Variants in TRAPPC9 observed in about 807,000 individuals in gnomAD.
TRAPPC9 encodes IKK2 binding protein.
In TRAPPC9, 83 loss-of-function variants were observed where a neutral mutation model predicts 124.0. The ratio of observed to expected loss-of-function variants is 0.67; its 90% CI spans 0.56 to 0.80. TRAPPC9 has a LOEUF of 0.80. Among genes scored for constraint, TRAPPC9 ranks in the 30% least tolerant of loss-of-function variants. The pLI is 0.00. For missense variants in TRAPPC9, 1,302 were observed against 1,508.3 expected, an observed-to-expected ratio of 0.86 and a Z score of 2.27; for synonymous variants, 638 against 617.5, an observed-to-expected ratio of 1.03 and a Z score of -0.49.
intron 17 of TRAPPC9, among the ~76,000 whole-genome samples, chr8:140,211,087 T>C (rs1456159575): frequency 2.0e-5 from 3 of 152,062 alleles, no homozygotes; most frequent in African/African-American, 7.2e-5. Context: ...CATTTGCAAC[T>C]GTAATTATTA....
intron 17 of TRAPPC9, among the ~76,000 whole-genome samples, chr8:140,118,704 G>A (rs1288740442): frequency 6.6e-6 from 1 of 152,218 alleles, no homozygotes; most frequent in East Asian, 1.9e-4. Context: ...TGTGAACTGG[G>A]GGCTGAGACA....
intron 17 of TRAPPC9, among the ~76,000 whole-genome samples, chr8:140,153,752 A>T (rs965474888): frequency 6.6e-6 from 1 of 152,240 alleles, no homozygotes; most frequent in Admixed American, 6.5e-5. Flanking sequence ...TTCAATTGCT[A>T]AAAACCTTTC....
chr8:139,943,515 A>T (rs1834032802), intron 19 of TRAPPC9, among the ~76,000 whole-genome samples: 1 of 152,226 alleles, frequency 6.6e-6, no homozygotes. Flanking sequence ...AAGTTAACTG[A>T]CCTAAGAAGA....
rs558424046 is a variant in TRAPPC9, at chr8:140,277,947, G to A, written c.2115-2126C>T. On this transcript the variant is annotated intron_variant, in intron 14 of 22. Coordinates refer to ENST00000438773, the MANE Select transcript of TRAPPC9 (RefSeq NM_001160372.4). ...CTCATATGAGGTCTGTGTTGAGGGAGCCCCTGGGTCTCAGCAGCACAGGAA... is the reference window on the plus strand; with the variant it reads ...CTCATATGAGGTCTGTGTTGAGGGAACCCCTGGGTCTCAGCAGCACAGGAA... Among the ~76,000 whole-genome samples, 59 of 152,312 alleles carry A rather than the reference G, an allele frequency of 3.9e-4. 1 individual carries two copies. Among genetic ancestry groups the A allele is most frequent in the African/African-American group, 1.4e-3 (57 of 41,566 alleles).
At chr8:140,114,268 G>C (rs530705149) in intron 17 of TRAPPC9, among the ~76,000 whole-genome samples, 4 of 141,636 alleles carry the variant, frequency 2.8e-5, no homozygotes, top group African/African-American at 1.0e-4. Context: ...TATCCAGCGA[G>C]TCAGTCAACA....
chr8:140,450,945 C>A lies in TRAPPC9; in HGVS notation c.429G>T (p.Thr143=). 6.2e-7 allele frequency: 1 copy of A among 1,614,162 alleles called. No individual in the cohort carries two copies. The highest frequency in any genetic ancestry group is 1.3e-5 in the African/African-American group (1 of 75,042). The change falls in exon 2 of 23, where the codon ACG becomes ACT. Residue 143 remains threonine (T), a synonymous_variant. Coordinates refer to ENST00000438773, the MANE Select transcript of TRAPPC9 (RefSeq NM_001160372.4). ...TGAAGTCCTCGATTCTCTTCTCCAC[C>A]GTCTGGCAGTCCTCGTAGTTGGGGT... is the stretch of plus-strand genomic sequence containing the variant. ...AFYPNYEDCQ[T]VEKRIEDFIE... is the part of the protein sequence containing the mutation.
At chr8:139,895,061 C>G (rs529292660) in intron 20 of TRAPPC9, among the ~76,000 whole-genome samples, 1 of 152,204 alleles carries the variant, frequency 6.6e-6, no homozygotes, top group Non-Finnish European at 1.5e-5. Context: ...CTCAACCACA[C>G]GTCCCGGGCT....
At chr8:140,090,056 G>A (rs1844463342) in intron 17 of TRAPPC9, among the ~76,000 whole-genome samples, 1 of 152,050 alleles carries the variant, frequency 6.6e-6, no homozygotes, top group African/African-American at 2.4e-5. Flanking sequence ...CTCCAGCCTG[G>A]CGACAGAGCG....
Position 140,110,324 on chromosome 8 carries a change from G to A in TRAPPC9, c.2557-86245C>T, listed in dbSNP as rs1332196614. Among the ~76,000 whole-genome samples, 7 of 9,634 alleles carry A rather than the reference G, an allele frequency of 7.3e-4. 1 individual carries two copies. In the African/African-American group the frequency reaches 9.8e-3, roughly 14 times the overall value. The allele number at this position is 9,634 out of a possible 152,430, so 6.3% of individuals were successfully genotyped here. A position where few individuals can be genotyped will look rare whatever the true frequency, so the allele number is the denominator to read the frequency against. ...GCTCCCCCTACAGCAGCTCCCTCCT[G>A]CAGCAGCTCCCTCCTGCAGCAGCTC... On this transcript the variant is annotated intron_variant, in intron 17 of 22. Transcript: ENST00000438773.
chr8:139,782,331 G>T (rs1405482894), intron 21 of TRAPPC9, among the ~76,000 whole-genome samples: 1 of 152,222 alleles, frequency 6.6e-6, no homozygotes, highest in Non-Finnish European at 1.5e-5. Context: ...AGTGAGCAGA[G>T]ATCGTGCCAC....
At position 139,793,512 on chromosome 8, in the gene TRAPPC9, C is replaced by T. The variant is rs183887385; in HGVS notation, c.3056-61310G>A. Among the ~76,000 whole-genome samples, 1,454 of 152,288 alleles carry T rather than the reference C, an allele frequency of 9.5e-3. 8 individuals are homozygous for T. Among genetic ancestry groups the T allele is most frequent in the Middle Eastern group, 0.017 (5 of 294 alleles). On this transcript the variant is annotated intron_variant, in intron 21 of 22. Transcript: ENST00000438773. The stretch of plus-strand genomic sequence containing the variant: ...GCCCCTGGGAGCCCACTGTGCCTTG[C>T]GCTGACCTGGGGCCTGGACTGTTGC...
intron 18 of TRAPPC9, among the ~76,000 whole-genome samples, chr8:139,996,177 A>G (rs1481644113): frequency 7.1e-6 from 1 of 140,342 alleles, no homozygotes. Flanking sequence ...AAAAAAAAAA[A>G]AAAAAGAAAG....
chr8:139,855,772 C>G (rs1395073567), intron 21 of TRAPPC9, among the ~76,000 whole-genome samples: 3 of 152,248 alleles, frequency 2.0e-5, no homozygotes, highest in Admixed American at 6.5e-5. Context: ...CCCAGCACCT[C>G]AGGGCCGCCC....
chr8:140,304,216 T>C (rs1172723233), intron 10 of TRAPPC9, among the ~76,000 whole-genome samples: 1 of 151,918 alleles, frequency 6.6e-6, no homozygotes, highest in African/African-American at 2.4e-5. Flanking sequence ...TGCCTCAGCC[T>C]CCCAAGTAGC....
chr8:139,824,203 T>A lies in TRAPPC9; in HGVS notation c.3055+61676A>T, dbSNP rs569573036. On this transcript the variant is annotated intron_variant, in intron 21 of 22. Coordinates refer to ENST00000438773, the MANE Select transcript of TRAPPC9 (RefSeq NM_001160372.4). ...CACAAGGTTTTCTGGGTCTTGGAAC[T>A]AGCCCTGAGCGGTGTGTGTACAGAT... 2.4e-3 allele frequency among the ~76,000 whole-genome samples: 368 copies of A among 152,352 alleles called. 1 individual carries two copies. The highest frequency in any genetic ancestry group is 3.7e-3 in the Non-Finnish European group (255 of 68,032).
intron 21 of TRAPPC9, among the ~76,000 whole-genome samples, chr8:139,851,478 G>A (rs1208234699): frequency 6.6e-6 from 1 of 152,090 alleles, no homozygotes; most frequent in African/African-American, 2.4e-5. Flanking sequence ...ATCCCGGAAG[G>A]CATGGGACCG....
intron 5 of TRAPPC9, among the ~76,000 whole-genome samples, chr8:140,411,095 A>G (rs1187242327): frequency 6.6e-6 from 1 of 152,132 alleles, no homozygotes; most frequent in Non-Finnish European, 1.5e-5. Flanking sequence ...TAAATAACCA[A>G]AAGAACCACA....
rs1421116025 is a variant in TRAPPC9, at chr8:140,189,035, T to C, written c.2556+32424A>G. On this transcript the variant is annotated intron_variant, in intron 17 of 22. Transcript: ENST00000438773. ...GCCCAAATAACACTACAAATGCTTCTGTGTATGGAACCCATACCATACACA... is the reference window on the plus strand; with the variant it reads ...GCCCAAATAACACTACAAATGCTTCCGTGTATGGAACCCATACCATACACA... Among the ~76,000 whole-genome samples the C allele has an allele frequency of 2.0e-5, 3 of 152,232 alleles. No individual in the cohort carries two copies. The East Asian group carries it at 5.8e-4, about 29-fold the overall frequency.
intron 15 of TRAPPC9, among the ~76,000 whole-genome samples, chr8:140,260,546 G>T (rs967389319): frequency 6.6e-6 from 1 of 152,176 alleles, no homozygotes; most frequent in African/African-American, 2.4e-5. Flanking sequence ...AACCACTAGT[G>T]CAAACTAATT....
Sources: gnomAD v4.1 joint callset for allele counts (sites outside exome capture counted in the v4.1 genomes callset) on GRCh38, gnomAD v4.1.1 for gene constraint, MANE v1.5 for transcripts, NCBI Gene and HGNC (gene_info 2026-07-23, HGNC 2026-07-21) for gene names.